Variants in KCNT2 observed in about 807,000 individuals in gnomAD.
The protein encoded by KCNT2 is potassium sodium-activated channel subfamily T member 2.
A neutral mutation model predicts 153.8 loss-of-function variants in KCNT2; 67 were observed. The ratio of observed to expected loss-of-function variants is 0.44; its 90% CI spans 0.36 to 0.53. The LOEUF is 0.53. Among genes scored for constraint, KCNT2 ranks in the 20% least tolerant of loss-of-function variants. KCNT2 has a pLI of 0.00. For synonymous variants in KCNT2, 500 were observed against 458.8 expected (o/e 1.09, Z -1.15); for missense variants, 975 against 1,354.8 (o/e 0.72, Z 4.40).
At chr1:196,371,220 CAA>C (rs952744388) in intron 14 of KCNT2, among the ~76,000 whole-genome samples, 1 of 21,940 alleles carries the variant, frequency 4.6e-5, no homozygotes, top group African/African-American at 1.5e-4. Flanking sequence ...CCCGTCACTA[CAA>C]AAAAAAAAAA....
At chr1:196,471,907 G>C (rs1162757974) in intron 5 of KCNT2, among the ~76,000 whole-genome samples, 2 of 152,160 alleles carry the variant, frequency 1.3e-5, no homozygotes, top group African/African-American at 2.4e-5. Context: ...TGTATTATAT[G>C]AAATTTCACA....
At position 196,496,484 on chromosome 1, in the gene KCNT2, G is replaced by T. The variant is rs1038284799; in HGVS notation, c.96-4143C>A. Among the ~76,000 whole-genome samples the T allele has an allele frequency of 6.2e-5, 9 of 145,906 alleles. No individual in the cohort carries two copies. The East Asian group carries it at 1.8e-3, about 29-fold the overall frequency. On this transcript the variant is annotated intron_variant, in intron 1 of 27. Transcript: ENST00000294725. ...CTCTGTCTCAAAAAAAAAAAAAAAA[G>T]AAATGATAGATAACAAATCCAATTT...
chr1:196,428,741 G>T (rs1206816783), intron 9 of KCNT2, among the ~76,000 whole-genome samples: 1 of 152,068 alleles, frequency 6.6e-6, no homozygotes, highest in Non-Finnish European at 1.5e-5. Flanking sequence ...AGACATGCAT[G>T]AATTTATCGG....
intron 12 of KCNT2, among the ~76,000 whole-genome samples, chr1:196,411,893 T>G (rs1419612525): frequency 6.6e-6 from 1 of 151,812 alleles, no homozygotes; most frequent in Non-Finnish European, 1.5e-5. Flanking sequence ...TATGCTCCTA[T>G]GGAAAATTTT....
chr1:196,411,056 T>C (rs1672263161), intron 12 of KCNT2, among the ~76,000 whole-genome samples: 1 of 58,166 alleles, frequency 1.7e-5, no homozygotes, highest in Non-Finnish European at 3.6e-5. Context: ...CCTCCTCTAT[T>C]CCCTCCTTCC....
intron 1 of KCNT2, among the ~76,000 whole-genome samples, chr1:196,543,726 T>A (rs1452887653): frequency 3.9e-5 from 6 of 151,998 alleles, no homozygotes; most frequent in African/African-American, 1.4e-4. Flanking sequence ...ATGGCCAAAA[T>A]AAAAAATAAT....
chr1:196,260,973 A>G (rs1052142974), intron 25 of KCNT2, among the ~76,000 whole-genome samples: 2 of 151,836 alleles, frequency 1.3e-5, no homozygotes, highest in Non-Finnish European at 3.0e-5. Flanking sequence ...CACAATATCA[A>G]TAACACTAGC....
At chr1:196,388,823 A>G (rs2148403029) in intron 13 of KCNT2, among the ~76,000 whole-genome samples, 1 of 151,868 alleles carries the variant, frequency 6.6e-6, no homozygotes, top group South Asian at 2.1e-4. Context: ...CACTTAGCCT[A>G]TTAATAAAGC....
intron 1 of KCNT2, among the ~76,000 whole-genome samples, chr1:196,495,339 A>G (rs1680172926): frequency 6.6e-6 from 1 of 151,748 alleles, no homozygotes; most frequent in African/African-American, 2.4e-5. Flanking sequence ...TACTTTTGAG[A>G]CCTTCCTCAG....
intron 8 of KCNT2, among the ~76,000 whole-genome samples, chr1:196,449,000 G>C (rs1675926667): frequency 6.6e-6 from 1 of 151,574 alleles, no homozygotes; most frequent in Non-Finnish European, 1.5e-5. Flanking sequence ...AAATGAGCTG[G>C]ATCTTTGCAG....
chr1:196,275,503 A>G (rs185551486), intron 25 of KCNT2, among the ~76,000 whole-genome samples: 12 of 151,928 alleles, frequency 7.9e-5, no homozygotes, highest in African/African-American at 2.6e-4. Context: ...AATAGTTTTG[A>G]TTATCAATGT....
intron 25 of KCNT2, among the ~76,000 whole-genome samples, chr1:196,274,044 T>C (rs1658324688): frequency 6.6e-6 from 1 of 151,682 alleles, no homozygotes; most frequent in South Asian, 2.1e-4. Context: ...ATATTTGTAC[T>C]ATTTTTTAAT....
At chr1:196,405,009 A>G (rs1671713845) in intron 12 of KCNT2, among the ~76,000 whole-genome samples, 1 of 151,584 alleles carries the variant, frequency 6.6e-6, no homozygotes, top group South Asian at 2.1e-4. Flanking sequence ...ATGCCCTCAC[A>G]AAACAGAACA....
chr1:196,466,748 T>A (rs1330979827), intron 7 of KCNT2, among the ~76,000 whole-genome samples: 1 of 152,050 alleles, frequency 6.6e-6, no homozygotes, highest in East Asian at 1.9e-4. Context: ...CATTTGCCCA[T>A]CACATTGTTC....
chr1:196,482,062 C>G (rs1312069015), intron 4 of KCNT2, among the ~76,000 whole-genome samples: 2 of 152,220 alleles, frequency 1.3e-5, no homozygotes, highest in East Asian at 3.9e-4. Context: ...ACTTGTGGAG[C>G]CTTAAAGCAG....
intron 1 of KCNT2, among the ~76,000 whole-genome samples, chr1:196,573,424 C>T (rs947213475): frequency 2.6e-5 from 4 of 151,982 alleles, no homozygotes; most frequent in African/African-American, 9.7e-5. Flanking sequence ...CATTTAATTG[C>T]TGAATCATGT....
chr1:196,513,530 G>A (rs947612734), intron 1 of KCNT2, among the ~76,000 whole-genome samples: 1 of 152,052 alleles, frequency 6.6e-6, no homozygotes, highest in Non-Finnish European at 1.5e-5. Context: ...CTTAATTATC[G>A]TACAATTTTT....
At chr1:196,566,665 GT>G (rs1024040108) in intron 1 of KCNT2, among the ~76,000 whole-genome samples, 9 of 151,998 alleles carry the variant, frequency 5.9e-5, no homozygotes, top group African/African-American at 1.7e-4. Context: ...TGAATAAACT[GT>G]TTTTATAGTT....
At chr1:196,524,114 A>T (rs1295974744) in intron 1 of KCNT2, among the ~76,000 whole-genome samples, 1 of 151,140 alleles carries the variant, frequency 6.6e-6, no homozygotes, top group African/African-American at 2.4e-5. Flanking sequence ...TTATATGAAA[A>T]TGTTGTAATC....
Sources: gnomAD v4.1 joint callset for allele counts (sites outside exome capture counted in the v4.1 genomes callset) on GRCh38, gnomAD v4.1.1 for gene constraint, MANE v1.5 for transcripts, NCBI Gene and HGNC (gene_info 2026-07-23, HGNC 2026-07-21) for gene names.